Variants in ERGIC1 observed in about 807,000 individuals in gnomAD.
ERGIC1 encodes the protein endoplasmic reticulum-golgi intermediate compartment 1.
A neutral mutation model predicts 38.3 loss-of-function variants in ERGIC1; 19 were observed. The observed-to-expected ratio is 0.50, with a 90% CI of 0.35 to 0.73. ERGIC1 has a LOEUF of 0.73. Ranked by LOEUF, ERGIC1 falls within the 30% of genes least tolerant of loss-of-function variation. The pLI is 0.01. For missense variants in ERGIC1, 294 were observed against 389.2 expected, an observed-to-expected ratio of 0.76 and a Z score of 2.06; for synonymous variants, 124 against 157.6, an observed-to-expected ratio of 0.79 and a Z score of 1.60.
At position 172,951,549 on chromosome 5, in the gene ERGIC1, C is replaced by T. The variant is rs1349309281; in HGVS notation, c.*733C>T. 6.6e-6 allele frequency: 1 copy of T among 152,296 alleles called. No individual in the cohort carries two copies. The highest frequency in any genetic ancestry group is 1.5e-5 in the Non-Finnish European group (1 of 68,104). The allele number at this position is 152,296 out of a possible 1,614,324, so 9.4% of individuals were successfully genotyped here. ...AGGCGGGTCACAGATTCCTCTTCCT[C>T]TCTTCTCCTCGTTCCTCTGAACCCT... On this transcript the variant is annotated 3_prime_UTR_variant, in exon 10 of 10. Transcript: ENST00000393784.
Position 172,902,813 on chromosome 5 carries a change from C to A in ERGIC1, c.155+5739C>A, listed in dbSNP as rs545686462. On this transcript the variant is annotated intron_variant, in intron 3 of 9. Transcript: ENST00000393784. ...CCTCACCGCCGCCTAAGTTTCCATT[C>A]GATCAAATTTTGAAGCATAGAGGTC... 2.6e-5 allele frequency among the ~76,000 whole-genome samples: 4 copies of A among 152,086 alleles called. 1 individual carries two copies. Among genetic ancestry groups the A allele is most frequent in the Admixed American group, 2.6e-4 (4 of 15,270 alleles).
chr5:172,881,706 G>T (rs1285277693), intron 1 of ERGIC1, among the ~76,000 whole-genome samples: 5 of 152,200 alleles, frequency 3.3e-5, no homozygotes, highest in Non-Finnish European at 5.9e-5. Flanking sequence ...TCAGATCTCT[G>T]CCGTGGCACT....
intron 1 of ERGIC1, among the ~76,000 whole-genome samples, chr5:172,841,307 T>C (rs761394010): frequency 6.6e-6 from 1 of 152,068 alleles, no homozygotes; most frequent in South Asian, 2.1e-4. Context: ...CCAGGGGACA[T>C]GTGGGGTCCT....
At chr5:172,859,407 C>G (rs1761640345) in intron 1 of ERGIC1, among the ~76,000 whole-genome samples, 1 of 152,194 alleles carries the variant, frequency 6.6e-6, no homozygotes, top group Admixed American at 6.5e-5. Flanking sequence ...CCTTATCACC[C>G]TTCCCAGCTG....
At chr5:172,839,871 T>C (rs138205503) in intron 1 of ERGIC1, among the ~76,000 whole-genome samples, 1 of 152,146 alleles carries the variant, frequency 6.6e-6, no homozygotes, top group Non-Finnish European at 1.5e-5. Context: ...GGAGCTGGGA[T>C]TGGAACACTG....
At chr5:172,901,710 G>C (rs1442645878) in intron 3 of ERGIC1, among the ~76,000 whole-genome samples, 2 of 152,078 alleles carry the variant, frequency 1.3e-5, no homozygotes, top group Non-Finnish European at 1.5e-5. Context: ...CGATCCTTCT[G>C]CCTCAGCCTC....
chr5:172,929,832 A>G, intron 7 of ERGIC1, among the ~76,000 whole-genome samples: 1 of 152,186 alleles, frequency 6.6e-6, no homozygotes, highest in East Asian at 1.9e-4. Flanking sequence ...TGAATAAAAC[A>G]AACTCTGCAG....
chr5:172,834,545 G>A lies in ERGIC1; in HGVS notation c.20+112G>A. 9.3e-7 allele frequency: 1 copy of A among 1,073,648 alleles called. No homozygotes were observed. The highest frequency in any genetic ancestry group is 1.2e-6 in the Non-Finnish European group (1 of 849,032). The allele number at this position is 1,073,648 out of a possible 1,614,324, so 66.5% of individuals were successfully genotyped here. A position where few individuals can be genotyped will look rare whatever the true frequency, so the allele number is the denominator to read the frequency against. On this transcript the variant is annotated intron_variant, in intron 1 of 9. Transcript: ENST00000393784. This position sits in a 1 kb window ranked among gnomAD's most constrained non-coding sequence, Gnocchi z 4.1. ...ATGCAAAAGCGGCTCCCCGCCCTGT[G>A]CATGCCTCCGCAGGCCCCTAGGGAC...
In ERGIC1 at chr5:172,886,202, T is replaced by C. The variant is rs2113249291; in HGVS notation, c.21-2497T>C. 2.0e-5 allele frequency among the ~76,000 whole-genome samples: 3 copies of C among 152,040 alleles called. No individual in the cohort carries two copies. In the South Asian group the frequency reaches 6.2e-4, roughly 32 times the overall value. On this transcript the variant is annotated intron_variant, in intron 1 of 9. Coordinates refer to ENST00000393784, the MANE Select transcript of ERGIC1 (RefSeq NM_001031711.3). ...ACCCTCTCCTCCAGCCCCGCCCCAG[T>C]TTTCCGTCCTCCTCTCCCTGCACAT...
At chr5:172,862,307 C>CAAAAAAAAAAAAA (rs58968820) in intron 1 of ERGIC1, among the ~76,000 whole-genome samples, 1 of 49,488 alleles carries the variant, frequency 2.0e-5, no homozygotes, top group Non-Finnish European at 3.1e-5. Flanking sequence ...GACTACATCT[C>CAAAAAAAAAAAAA]AAAAAAAAAA....
At chr5:172,851,569 A>G (rs1249048044) in intron 1 of ERGIC1, among the ~76,000 whole-genome samples, 2 of 152,236 alleles carry the variant, frequency 1.3e-5, no homozygotes, top group Non-Finnish European at 2.9e-5. Flanking sequence ...CAGTGGCCAC[A>G]TGGCAGCCCA....
At chr5:172,838,405 C>T (rs542430547) in intron 1 of ERGIC1, among the ~76,000 whole-genome samples, 3 of 152,166 alleles carry the variant, frequency 2.0e-5, no homozygotes, top group Non-Finnish European at 4.4e-5. Flanking sequence ...GGGGCTGGCC[C>T]TGCTGCAGGG....
intron 7 of ERGIC1, among the ~76,000 whole-genome samples, chr5:172,929,151 A>ATGTGTG (rs10647641): frequency 0.033 from 4,615 of 139,950 alleles, 134 homozygotes; most frequent in African/African-American, 0.095. Context: ...TCATATATAT[A>ATGTGTG]TATGTGTGTG....
chr5:172,861,590 G>A (rs1413797371), intron 1 of ERGIC1, among the ~76,000 whole-genome samples: 4 of 152,182 alleles, frequency 2.6e-5, no homozygotes, highest in African/African-American at 7.2e-5. Context: ...ATCTACTAAC[G>A]TTGCTGTAAA....
In ERGIC1 at chr5:172,864,143, G is replaced by A. The variant is rs1761790832; in HGVS notation, c.21-24556G>A. On this transcript the variant is annotated intron_variant, in intron 1 of 9. Coordinates refer to ENST00000393784, the MANE Select transcript of ERGIC1 (RefSeq NM_001031711.3). ...ACCCGGGAGGTGGAGGTTGTAGTGA[G>A]CTGAGATCACGCCACTGCACTCTAG... Among the ~76,000 whole-genome samples the A allele has an allele frequency of 3.9e-5, 6 of 151,930 alleles. No individual in the cohort carries two copies. The South Asian group carries it at 1.2e-3, about 32-fold the overall frequency.
At chr5:172,859,889 C>T (rs370270477) in intron 1 of ERGIC1, among the ~76,000 whole-genome samples, 7 of 152,234 alleles carry the variant, frequency 4.6e-5, no homozygotes, top group African/African-American at 1.2e-4. Context: ...GATTGTTTGT[C>T]GGCTGGGTTA....
chr5:172,934,845 TGGATTTCGCGTGGCCCAGA>T (rs1203325382), intron 8 of ERGIC1: 1 of 320,716 alleles, frequency 3.1e-6, no homozygotes, highest in African/African-American at 2.1e-5. Flanking sequence ...AATAAATGAA[TGGATTTCGCGTGGCCCAGA>T]GGTTGAAGGA....
intron 1 of ERGIC1, among the ~76,000 whole-genome samples, chr5:172,864,878 A>C (rs1002132439): frequency 2.6e-5 from 4 of 151,958 alleles, no homozygotes; most frequent in Non-Finnish European, 5.9e-5. Context: ...CGGCTCACAC[A>C]GCAAGTAAGA....
At position 172,888,755 on chromosome 5, in the gene ERGIC1, C is replaced by A. The variant is rs1386964033; in HGVS notation, c.77C>A (p.Ala26Asp). 6.2e-7 allele frequency: 1 copy of A among 1,614,072 alleles called. No homozygotes were observed. Among genetic ancestry groups the A allele is most frequent in the Admixed American group, 1.7e-5 (1 of 60,016 alleles). ...CTTACGCAGCCAACGTACACCGGGG[C>A]CATTAGTGAGTAGCCAACCTCTGGC... ...KDLTQPTYTG[A>D]IISICCCLFI... The change falls in exon 2 of 10, where the codon GCC becomes GAC. Residue 26 changes from alanine (A) to aspartate (D), a missense_variant. By Grantham distance (126) the Ala-to-Asp change is moderately radical. Around this residue, in one of 3 missense-constraint regions of ERGIC1, gnomAD observed 163 missense variants for 225.8 expected, o/e 0.72. Coordinates refer to ENST00000393784, the MANE Select transcript of ERGIC1 (RefSeq NM_001031711.3).
Sources: allele counts gnomAD v4.1 joint callset (sites outside exome capture counted in the v4.1 genomes callset), GRCh38; gene constraint gnomAD v4.1.1; regional missense constraint gnomAD v4.1.1; non-coding constraint Gnocchi (gnomAD v3.1); transcripts MANE v1.5; gene names NCBI Gene and HGNC (gene_info 2026-07-23, HGNC 2026-07-21).